The following LANCL2 variants were observed in gnomAD, a reference collection of about 807,000 sequenced individuals.
LANCL2 encodes lanC-like protein 2.
A neutral mutation model predicts 56.9 loss-of-function variants in LANCL2; 33 were observed. The observed-to-expected ratio is 0.58, with a 90% CI of 0.44 to 0.78. The LOEUF is 0.78. LANCL2 is among the 30% of genes least tolerant of loss of function. The pLI is 0.00. For missense variants in LANCL2, 562 were observed against 580.2 expected, an observed-to-expected ratio of 0.97 and a Z score of 0.32; for synonymous variants, 233 against 228.2, an observed-to-expected ratio of 1.02 and a Z score of -0.19.
rs1043475689 is a variant in LANCL2, at chr7:55,432,374, T to C, written c.*1054T>C. 1 of 152,242 alleles carries C rather than the reference T, an allele frequency of 6.6e-6. No homozygotes were observed. The highest frequency in any genetic ancestry group is 1.5e-5 in the Non-Finnish European group (1 of 68,038). 9.4% of individuals were successfully genotyped at this position (152,242 alleles called of 1,614,324 possible). ...GATAAAAAGTACTAGCCCTTATTTA[T>C]AGATATGAGAAACATAATGTTCTAA... is the stretch of plus-strand genomic sequence containing the variant. On this transcript the variant is annotated 3_prime_UTR_variant, in exon 9 of 9. Transcript: ENST00000254770.
At chr7:55,387,798 T>A (rs1790141928) in intron 1 of LANCL2, among the ~76,000 whole-genome samples, 1 of 152,222 alleles carries the variant, frequency 6.6e-6, no homozygotes, top group Non-Finnish European at 1.5e-5. Context: ...GTTCTAAATA[T>A]CCTTTTTAAA....
intron 5 of LANCL2, among the ~76,000 whole-genome samples, chr7:55,406,327 G>A (rs1167740982): frequency 6.6e-6 from 1 of 152,190 alleles, no homozygotes. Context: ...TGGCCAGAGC[G>A]TCCCTGGTGC....
At position 55,418,185 on chromosome 7, in the gene LANCL2, GTT is replaced by G. The variant is rs55860430; in HGVS notation, c.1008+6106_1008+6107del. On this transcript the variant is annotated intron_variant, in intron 6 of 8. Transcript: ENST00000254770. ...TGCCAGTATATAGAAATACAATTGCGTTTTTTTTTTTGGAGACATAGAGTCTC... is the reference window on the plus strand; with the variant it reads ...TGCCAGTATATAGAAATACAATTGCGTTTTTTTTTGGAGACATAGAGTCTC... Among the ~76,000 whole-genome samples the G allele has an allele frequency of 4.7e-5, 7 of 148,144 alleles. No individual in the cohort carries two copies. The South Asian group carries it at 1.5e-3, about 32-fold the overall frequency.
chr7:55,365,717 G>C lies in LANCL2; in HGVS notation c.-309G>C, dbSNP rs1360438826. 3.8e-6 allele frequency: 1 copy of C among 263,478 alleles called. No homozygotes were observed. The highest frequency in any genetic ancestry group is 7.2e-6 in the Non-Finnish European group (1 of 139,356). The allele number at this position is 263,478 out of a possible 1,614,324, so 16.3% of individuals were successfully genotyped here. A position where few individuals can be genotyped will look rare whatever the true frequency, so the allele number is the denominator to read the frequency against. On this transcript the variant is annotated 5_prime_UTR_variant, in exon 1 of 9. Transcript: ENST00000254770. The stretch of plus-strand genomic sequence containing the variant: ...GCTCTGCGGGCCACGGGGAAGGTGC[G>C]AGGAGGCGCGAGCAGGCTGTGAGCC...
Position 55,398,538 on chromosome 7 carries a change from C to T in LANCL2, c.438C>T (p.Thr146=), listed in dbSNP as rs779582665. 1.9e-6 allele frequency: 3 copies of T among 1,614,072 alleles called. No homozygotes were observed. Among genetic ancestry groups the T allele is most frequent in the East Asian group, 2.2e-5 (1 of 44,902 alleles). Residue 146 remains threonine (T), a synonymous_variant, in exon 3 of 9, where the codon ACC becomes ACT. Coordinates refer to ENST00000254770, the MANE Select transcript of LANCL2 (RefSeq NM_018697.4). ...TLRNLNGRRV[T]FLCGDAGPLA... is the part of the protein sequence containing the mutation. ...GGAATCTGAATGGCCGCAGGGTCACCTTCCTCTGTGGGGATGCTGGCCCCC... is the reference window on the plus strand; with the variant it reads ...GGAATCTGAATGGCCGCAGGGTCACTTTCCTCTGTGGGGATGCTGGCCCCC...
chr7:55,367,660 G>C (rs748061969), intron 1 of LANCL2, among the ~76,000 whole-genome samples: 4 of 152,228 alleles, frequency 2.6e-5, no homozygotes, highest in Non-Finnish European at 5.9e-5. Context: ...CGGAGGTCGA[G>C]GTTGCAGTGA....
chr7:55,380,872 T>TC (rs1194241520), intron 1 of LANCL2, among the ~76,000 whole-genome samples: 11 of 148,904 alleles, frequency 7.4e-5, no homozygotes, highest in Admixed American at 7.3e-4. Context: ...TGAATTTCTT[T>TC]TTTTTTTTTT....
At chr7:55,368,299 A>C (rs1465271704) in intron 1 of LANCL2, among the ~76,000 whole-genome samples, 1 of 152,232 alleles carries the variant, frequency 6.6e-6, no homozygotes, top group East Asian at 1.9e-4. Context: ...ATTTATGTTG[A>C]AAAGAAAATT....
chr7:55,420,277 A>G (rs1044773232), intron 6 of LANCL2, among the ~76,000 whole-genome samples: 1 of 152,124 alleles, frequency 6.6e-6, no homozygotes, highest in Admixed American at 6.5e-5. Context: ...ATTTAGTTTT[A>G]GATATTCCCT....
intron 1 of LANCL2, among the ~76,000 whole-genome samples, chr7:55,385,658 G>T (rs143736009): frequency 0.021 from 3,231 of 152,246 alleles, 132 homozygotes; most frequent in African/African-American, 0.074. Context: ...TGGAGGCAGG[G>T]CGAGATCACA....
chr7:55,366,121 G>GGCC lies in LANCL2; in HGVS notation c.104_106dup (p.Ala35dup), dbSNP rs1182210987. 1.3e-6 allele frequency: 2 copies of GGCC among 1,545,264 alleles called. No individual in the cohort carries two copies. The highest frequency in any genetic ancestry group is 8.8e-7 in the Non-Finnish European group (1 of 1,142,500). On this transcript the variant is annotated inframe_insertion, in exon 1 of 9. Coordinates refer to ENST00000254770, the MANE Select transcript of LANCL2 (RefSeq NM_018697.4). ...TCGTCAACCCCTTCCCGGACTACGA[G>GGCC]GCCGCCGCCGGGGCGCTGCTCGCCT...
chr7:55,377,204 A>G (rs957643159), intron 1 of LANCL2, among the ~76,000 whole-genome samples: 1 of 152,184 alleles, frequency 6.6e-6, no homozygotes, highest in African/African-American at 2.4e-5. Context: ...CTGAACCCAT[A>G]CCTTCTCTAA....
chr7:55,427,157 A>G (rs1181408308), intron 7 of LANCL2, among the ~76,000 whole-genome samples: 1 of 152,204 alleles, frequency 6.6e-6, no homozygotes, highest in Non-Finnish European at 1.5e-5. Flanking sequence ...GAGGCCAGAG[A>G]AAGTTAGTTC....
chr7:55,385,120 G>T (rs1193187940), intron 1 of LANCL2, among the ~76,000 whole-genome samples: 1 of 152,190 alleles, frequency 6.6e-6, no homozygotes, highest in African/African-American at 2.4e-5. Flanking sequence ...CTGTGAGGCA[G>T]ACGTTGCAGT....
intron 5 of LANCL2, among the ~76,000 whole-genome samples, chr7:55,410,566 T>G (rs932010391): frequency 6.6e-6 from 1 of 152,240 alleles, no homozygotes; most frequent in African/African-American, 2.4e-5. Flanking sequence ...TATTTCAGTT[T>G]TGAGAGTACT....
At chr7:55,427,391 G>A (rs866688012) in intron 7 of LANCL2, among the ~76,000 whole-genome samples, 1 of 152,230 alleles carries the variant, frequency 6.6e-6, no homozygotes, top group African/African-American at 2.4e-5. Flanking sequence ...AAAGATTGCT[G>A]TAGTCCCAGT....
At chr7:55,369,706 C>T (rs1789921746) in intron 1 of LANCL2, among the ~76,000 whole-genome samples, 1 of 152,124 alleles carries the variant, frequency 6.6e-6, no homozygotes, top group African/African-American at 2.4e-5. Context: ...CCAGCAGCAG[C>T]AGCAGCTTCA....
chr7:55,406,786 C>A (rs1390554912), intron 5 of LANCL2, among the ~76,000 whole-genome samples: 1 of 152,170 alleles, frequency 6.6e-6, no homozygotes, highest in African/African-American at 2.4e-5. Context: ...TGAAAATAAT[C>A]TCAGAACAAC....
chr7:55,401,120 T>C, intron 4 of LANCL2, 54 bp from the exon 5 acceptor site: 1 of 1,495,102 alleles, frequency 6.7e-7, no homozygotes, highest in South Asian at 1.2e-5. Flanking sequence ...TTAATTAGAC[T>C]ACAACAGGGT....
Sources: gnomAD v4.1 joint callset for allele counts (sites outside exome capture counted in the v4.1 genomes callset) on GRCh38, gnomAD v4.1.1 for gene constraint, MANE v1.5 for transcripts, NCBI Gene and HGNC (gene_info 2026-07-23, HGNC 2026-07-21) for gene names.